Variants in FRY observed in about 807,000 individuals in gnomAD.
FRY encodes FRY microtubule binding protein.
A neutral mutation model predicts 348.4 loss-of-function variants in FRY; 128 were observed. That is an observed-to-expected ratio of 0.37 (90% CI 0.32 to 0.43). The LOEUF (loss-of-function observed/expected upper bound fraction) is 0.43, where lower values mean the gene tolerates loss of function less well. FRY is among the 20% of genes least tolerant of loss of function. The pLI, the probability that FRY is intolerant of heterozygous loss-of-function variation, is 1.00. For synonymous variants in FRY, 1,370 were observed against 1,374.7 expected, an observed-to-expected ratio of 1.00 and a Z score of 0.08; for missense variants, 2,736 against 3,695.2, an observed-to-expected ratio of 0.74 and a Z score of 6.73.
chr13:32,265,637 T>C, intron 54 of FRY, 21 bp downstream of exon 54: 1 of 1,609,554 alleles, frequency 6.2e-7, no homozygotes, highest in South Asian at 1.1e-5. Flanking sequence ...CCTTGGCTGA[T>C]GTGAGTGGTG....
intron 14 of FRY, among the ~76,000 whole-genome samples, chr13:32,151,138 T>C (rs1880763597): frequency 6.6e-6 from 1 of 152,216 alleles, no homozygotes; most frequent in Admixed American, 6.5e-5. Flanking sequence ...AGCAGTCATT[T>C]CTCAGAATTA....
intron 36 of FRY, among the ~76,000 whole-genome samples, chr13:32,222,977 A>G (rs1885393008): frequency 7.0e-6 from 1 of 143,260 alleles, no homozygotes. Flanking sequence ...TTTTTGAGAC[A>G]GAGTCTTGCT....
intron 1 of FRY, among the ~76,000 whole-genome samples, chr13:32,065,662 G>T (rs954105989): frequency 2.0e-5 from 3 of 151,746 alleles, no homozygotes; most frequent in Non-Finnish European, 4.4e-5. Context: ...GTGCAGTGGC[G>T]CAATCATAGC....
chr13:32,070,755 C>A (rs1284498098), intron 1 of FRY, among the ~76,000 whole-genome samples: 1 of 152,096 alleles, frequency 6.6e-6, no homozygotes, highest in African/African-American at 2.4e-5. Context: ...GTTGCCATTA[C>A]TTTTGGTGTT....
intron 17 of FRY, among the ~76,000 whole-genome samples, chr13:32,169,069 G>GC (rs1167130385): frequency 3.3e-5 from 5 of 152,280 alleles, no homozygotes; most frequent in Admixed American, 6.5e-5. Flanking sequence ...GGGTATGGGA[G>GC]CCCCCATTGA....
rs150979184 is a variant in FRY, at chr13:32,086,061, G to T, written c.270+7028G>T. 1.4e-5 allele frequency: 7 copies of T among 491,684 alleles called. No individual in the cohort carries two copies. The Admixed American group carries it at 1.4e-4, about 10-fold the overall frequency. 30.5% of individuals were successfully genotyped at this position (491,684 alleles called of 1,614,324 possible). On this transcript the variant is annotated intron_variant, in intron 2 of 60. Coordinates refer to ENST00000542859, the MANE Select transcript of FRY (RefSeq NM_023037.3). ...AAAACCAGAGATTTGAGGTAAGTCC[G>T]CCTCTGAGGGTTTTCAAAGGCTTTC... is the stretch of plus-strand genomic sequence containing the variant.
At chr13:32,037,041 CACACACACACACACACAA>C (rs1165590961) in intron 1 of FRY, among the ~76,000 whole-genome samples, 3 of 97,480 alleles carry the variant, frequency 3.1e-5, no homozygotes, top group South Asian at 3.7e-4. Context: ...CACACACACA[CACACACACACACACACAA>C]ACACACACAC....
At chr13:32,211,230 G>C (rs138561398) in intron 34 of FRY, among the ~76,000 whole-genome samples, 196 bp downstream of exon 34, 112 of 152,340 alleles carry the variant, frequency 7.4e-4, no homozygotes, top group Admixed American at 2.1e-3. Context: ...AGCACTTTGG[G>C]AGGCTGAGGC....
rs1286192499 is a variant in FRY, at chr13:32,244,119, T to A, written c.6765T>A (p.Leu2255=). 6.2e-7 allele frequency: 1 copy of A among 1,613,794 alleles called. No individual in the cohort carries two copies. The highest frequency in any genetic ancestry group is 2.2e-5 in the East Asian group (1 of 44,880). Residue 2255 remains leucine (L), a synonymous_variant, in exon 47 of 61, where the codon CTT becomes CTA. Coordinates refer to ENST00000542859, the MANE Select transcript of FRY (RefSeq NM_023037.3). The part of the protein sequence containing the change: ...VIYSLLSYMD[L]SVVPVKQFNV... ...ACAGTCTTCTCAGCTACATGGACCT[T>A]TCTGTCGTTCCTGTCAAACAGTTCA...
At chr13:32,067,584 T>C (rs1016106384) in intron 1 of FRY, among the ~76,000 whole-genome samples, 1 of 152,240 alleles carries the variant, frequency 6.6e-6, no homozygotes, top group East Asian at 1.9e-4. Flanking sequence ...AAGTGTTAAT[T>C]GTTAAGTGTT....
chr13:32,185,754 T>C lies in FRY; in HGVS notation c.3320-506T>C, dbSNP rs534521562. Among the ~76,000 whole-genome samples the C allele has an allele frequency of 1.2e-4, 18 of 152,344 alleles. No individual in the cohort carries two copies. The East Asian group carries it at 3.1e-3, about 26-fold the overall frequency. Reference sequence around the variant, plus strand: ...TTATTACAAAAAGCCCCTTATCAACTAATATTTCCGCTTTTCGCTATTTTG... The same window carrying C: ...TTATTACAAAAAGCCCCTTATCAACCAATATTTCCGCTTTTCGCTATTTTG... On this transcript the variant is annotated intron_variant, in intron 26 of 60. Coordinates refer to ENST00000542859, the MANE Select transcript of FRY (RefSeq NM_023037.3).
rs914994474 is a variant in FRY, at chr13:32,267,105, T to C, written c.7947-65T>C. 12 of 1,453,382 alleles carry C rather than the reference T, an allele frequency of 8.3e-6. No homozygotes were observed. The African/African-American group carries it at 1.5e-4, about 19-fold the overall frequency. 90.0% of individuals were successfully genotyped at this position (1,453,382 alleles called of 1,614,324 possible). A position where few individuals can be genotyped will look rare whatever the true frequency, so the allele number is the denominator to read the frequency against. ...TTTGCTGACTCTCAGGGTGAGAATTTATAAAACCCAGTATAGGATGAGAAG... is the reference window on the plus strand; with the variant it reads ...TTTGCTGACTCTCAGGGTGAGAATTCATAAAACCCAGTATAGGATGAGAAG... On this transcript the variant is annotated intron_variant, in intron 54 of 60. Transcript: ENST00000542859.
chr13:32,155,248 C>A (rs1881041435), intron 14 of FRY, among the ~76,000 whole-genome samples: 1 of 151,920 alleles, frequency 6.6e-6, no homozygotes, highest in Admixed American at 6.6e-5. Context: ...AGTACATGAC[C>A]ATCTCAAACA....
chr13:32,274,465 T>C (rs1427085431), intron 55 of FRY, among the ~76,000 whole-genome samples: 1 of 151,602 alleles, frequency 6.6e-6, no homozygotes, highest in Non-Finnish European at 1.5e-5. Context: ...CCCAGCACTT[T>C]GGGAGGCCGA....
At chr13:32,197,458 C>T (rs1310448925) in intron 29 of FRY, among the ~76,000 whole-genome samples, 1 of 152,166 alleles carries the variant, frequency 6.6e-6, no homozygotes, top group Non-Finnish European at 1.5e-5. Flanking sequence ...TGGAGTATTT[C>T]AGGAGAGCAG....
intron 51 of FRY, among the ~76,000 whole-genome samples, chr13:32,261,298 T>G (rs1310548113): frequency 6.6e-6 from 1 of 152,204 alleles, no homozygotes; most frequent in East Asian, 1.9e-4. Context: ...AATGGTCTCT[T>G]TGTTACAGAT....
intron 2 of FRY, among the ~76,000 whole-genome samples, chr13:32,100,856 G>A (rs1289398646): frequency 6.6e-6 from 1 of 152,120 alleles, no homozygotes; most frequent in Non-Finnish European, 1.5e-5. Flanking sequence ...ATGGCAGAAG[G>A]GGAGAACAAG....
Position 32,229,746 on chromosome 13 carries a change from T to C in FRY, c.5405+1092T>C, listed in dbSNP as rs1021141747. ...AGAGGCTGTGTATTCAGTTTGATTG[T>C]ACGGTATTTGCAGCTTGATGTGATC... On this transcript the variant is annotated intron_variant, in intron 40 of 60. Coordinates refer to ENST00000542859, the MANE Select transcript of FRY (RefSeq NM_023037.3). Among the ~76,000 whole-genome samples, 6 of 152,226 alleles carry C rather than the reference T, an allele frequency of 3.9e-5. No individual in the cohort carries two copies. In the South Asian group the frequency reaches 6.2e-4, roughly 16 times the overall value.
chr13:32,254,327 A>G lies in FRY; in HGVS notation c.7349A>G (p.Asn2450Ser), dbSNP rs1421022741. 1 of 1,614,118 alleles carries G rather than the reference A, an allele frequency of 6.2e-7. No homozygotes were observed. Among genetic ancestry groups the G allele is most frequent in the South Asian group, 1.1e-5 (1 of 91,080 alleles). Residue 2450 changes from asparagine (N) to serine (S), a missense_variant, in exon 51 of 61, where the codon AAC (asparagine) becomes AGC (serine). Physicochemically the swap from Asn to Ser is conservative, Grantham distance 46. Transcript: ENST00000542859. ...GAGCAGGAGAACATGGATGACACAAACAGCGAGCAGCAGTTTAGAGTCTTC... is the reference window on the plus strand; with the variant it reads ...GAGCAGGAGAACATGGATGACACAAGCAGCGAGCAGCAGTTTAGAGTCTTC... ...AREQENMDDT[N>S]SEQQFRVFRD...
Sources: allele counts gnomAD v4.1 joint callset (sites outside exome capture counted in the v4.1 genomes callset), GRCh38; gene constraint gnomAD v4.1.1; transcripts MANE v1.5; gene names NCBI Gene and HGNC (gene_info 2026-07-23, HGNC 2026-07-21).